GPR39: variants seen among roughly 807,000 people sequenced by gnomAD.
GPR39 encodes the protein G protein-coupled receptor 39, also known as zinc sensing receptor.
GPR39 carries 23 observed loss-of-function variants against 18.4 expected under a neutral mutation model. The ratio of observed to expected loss-of-function variants is 1.25; its 90% CI spans 0.90 to 1.77. GPR39 has a LOEUF of 1.77. GPR39 is among the 40% of genes most tolerant of loss of function. The pLI is 0.00. For synonymous variants in GPR39, 280 were observed against 257.9 expected, an observed-to-expected ratio of 1.09 and a Z score of -0.82; for missense variants, 647 against 602.4, an observed-to-expected ratio of 1.07 and a Z score of -0.78.
Position 132,524,803 on chromosome 2 carries a change from C to T in GPR39, c.856+106905C>T, listed in dbSNP as rs189335261. Among the ~76,000 whole-genome samples, 5 of 152,282 alleles carry T rather than the reference C, an allele frequency of 3.3e-5. No homozygotes were observed. In the East Asian group the frequency reaches 9.6e-4, roughly 29 times the overall value. On this transcript the variant is annotated intron_variant, in intron 1 of 1. Transcript: ENST00000329321. ...AGAGAATAGTATTATTACATGTACTCAGAAGTCACACTATCACATGTTACT... is the reference window on the plus strand; with the variant it reads ...AGAGAATAGTATTATTACATGTACTTAGAAGTCACACTATCACATGTTACT...
intron 1 of GPR39, among the ~76,000 whole-genome samples, chr2:132,597,097 G>T (rs1680962122): frequency 1.3e-5 from 2 of 152,212 alleles, no homozygotes; most frequent in South Asian, 2.1e-4. Flanking sequence ...GACAGGAGTA[G>T]CATGGGGAAC....
intron 1 of GPR39, chr2:132,644,765 ATGGATAACATGAACTGCTTTC>A: frequency 3.9e-6 from 1 of 256,506 alleles, no homozygotes; most frequent in South Asian, 8.4e-5. Flanking sequence ...AACCAGATTT[ATGGATAACATGAACTGCTTTC>A]TGGATACGCA....
chr2:132,468,306 A>G (rs1475828151), intron 1 of GPR39, among the ~76,000 whole-genome samples: 4 of 152,240 alleles, frequency 2.6e-5, no homozygotes, highest in Non-Finnish European at 1.5e-5. Context: ...TACTGCAGAT[A>G]GAATGTGAGA....
chr2:132,475,407 G>A (rs1681106794), intron 1 of GPR39, among the ~76,000 whole-genome samples: 1 of 151,738 alleles, frequency 6.6e-6, no homozygotes, highest in Non-Finnish European at 1.5e-5. Context: ...GGCAGATCTT[G>A]GGAAGAATAA....
intron 1 of GPR39, among the ~76,000 whole-genome samples, chr2:132,572,977 A>G (rs1203624350): frequency 6.6e-6 from 1 of 152,106 alleles, no homozygotes; most frequent in African/African-American, 2.4e-5. Context: ...GGGTTTTATT[A>G]CCAGAAGAAA....
At chr2:132,479,245 C>T (rs1186298328) in intron 1 of GPR39, among the ~76,000 whole-genome samples, 2 of 151,992 alleles carry the variant, frequency 1.3e-5, no homozygotes, top group Non-Finnish European at 2.9e-5. Flanking sequence ...CTTTTTGTTC[C>T]GTAGTGAGAT....
chr2:132,609,529 T>A (rs1344798315), intron 1 of GPR39, among the ~76,000 whole-genome samples: 2 of 152,186 alleles, frequency 1.3e-5, no homozygotes, highest in African/African-American at 4.8e-5. Context: ...TCTTAATTAC[T>A]ATTCTAGATG....
chr2:132,521,499 C>G (rs1453005951), intron 1 of GPR39, among the ~76,000 whole-genome samples: 1 of 152,182 alleles, frequency 6.6e-6, no homozygotes, highest in African/African-American at 2.4e-5. Flanking sequence ...CTGCCTGTTT[C>G]ACCTCTGACT....
chr2:132,417,689 G>T lies in GPR39; in HGVS notation c.647G>T (p.Arg216Leu), dbSNP rs1256175639. ...NMSICTNLSS[R>L]WTVFQSSIFG... ...TCCATCTGTACCAACCTCTCCAGCC[G>T]CTGGACCGTGTTCCAGTCCAGCATC... The change falls in exon 1 of 2, where the codon CGC (arginine) becomes CTC (leucine). Residue 216 changes from arginine (R) to leucine (L), a missense_variant. Coordinates refer to ENST00000329321, the MANE Select transcript of GPR39 (RefSeq NM_001508.3). The T allele has an allele frequency of 1.9e-6, 3 of 1,614,134 alleles. No individual in the cohort carries two copies. In the South Asian group the frequency reaches 3.3e-5, roughly 18 times the overall value.
intron 1 of GPR39, among the ~76,000 whole-genome samples, chr2:132,627,762 G>A (rs1015901568): frequency 3.9e-5 from 6 of 152,128 alleles, no homozygotes; most frequent in Non-Finnish European, 8.8e-5. Flanking sequence ...CCTCGGCCGT[G>A]GGGGAGGAGA....
rs556984553 is a variant in GPR39, at chr2:132,544,436, G to GTGGT, written c.857-100664_857-100661dup. Among the ~76,000 whole-genome samples, 527 of 152,328 alleles carry GTGGT rather than the reference G, an allele frequency of 3.5e-3. 2 individuals are homozygous for GTGGT. Among genetic ancestry groups the GTGGT allele is most frequent in the South Asian group, 5.2e-3 (25 of 4,824 alleles). ...GCCCAGGCCAGCTGGATTGGGGGATGTGGTGGTCATCTCAGCTCTCCACAT... is the reference window on the plus strand; with the variant it reads ...GCCCAGGCCAGCTGGATTGGGGGATGTGGTTGGTGGTCATCTCAGCTCTCCACAT... On this transcript the variant is annotated intron_variant, in intron 1 of 1. Coordinates refer to ENST00000329321, the MANE Select transcript of GPR39 (RefSeq NM_001508.3).
At chr2:132,470,414 G>A (rs1681008015) in intron 1 of GPR39, among the ~76,000 whole-genome samples, 1 of 152,112 alleles carries the variant, frequency 6.6e-6, no homozygotes, top group Admixed American at 6.5e-5. Context: ...ACTGTTCCAG[G>A]CTGAGGGACC....
intron 1 of GPR39, among the ~76,000 whole-genome samples, chr2:132,479,214 T>G (rs1271291803): frequency 2.0e-5 from 3 of 152,216 alleles, no homozygotes; most frequent in Non-Finnish European, 4.4e-5. Context: ...TGAACAGGAC[T>G]TAGTCTATGG....
At chr2:132,525,369 C>T (rs146961030) in intron 1 of GPR39, among the ~76,000 whole-genome samples, 76 of 152,192 alleles carry the variant, frequency 5.0e-4, no homozygotes, top group African/African-American at 1.7e-3. Context: ...AAATGTGTGA[C>T]GGCTGTAAGG....
chr2:132,589,865 G>A (rs978837963), intron 1 of GPR39, among the ~76,000 whole-genome samples: 2 of 152,166 alleles, frequency 1.3e-5, no homozygotes, highest in African/African-American at 2.4e-5. Context: ...ATGAGTTTGA[G>A]CATTTGTTTT....
chr2:132,566,814 C>A (rs1458247115), intron 1 of GPR39, among the ~76,000 whole-genome samples: 2 of 152,156 alleles, frequency 1.3e-5, no homozygotes, highest in African/African-American at 4.8e-5. Context: ...TGGCCATTCT[C>A]CCTCAGCTTT....
intron 1 of GPR39, among the ~76,000 whole-genome samples, chr2:132,568,151 A>C (rs1680383607): frequency 6.6e-6 from 1 of 151,950 alleles, no homozygotes; most frequent in Non-Finnish European, 1.5e-5. Flanking sequence ...TGGCATTTCA[A>C]CTCCCCTTGC....
chr2:132,477,572 AAG>A (rs112729091), intron 1 of GPR39, among the ~76,000 whole-genome samples: 2,986 of 152,278 alleles, frequency 0.02, 119 homozygotes, highest in African/African-American at 0.067. Flanking sequence ...TCTAAAAAAA[AAG>A]AGCCAAGGCT....
chr2:132,636,733 G>C (rs368884031), intron 1 of GPR39, among the ~76,000 whole-genome samples: 5 of 152,226 alleles, frequency 3.3e-5, no homozygotes, highest in East Asian at 3.9e-4. Flanking sequence ...TATTTATAGG[G>C]AGCTGAATTG....
Sources: gnomAD v4.1 joint callset for allele counts (sites outside exome capture counted in the v4.1 genomes callset) on GRCh38, gnomAD v4.1.1 for gene constraint, MANE v1.5 for transcripts, NCBI Gene and HGNC (gene_info 2026-07-23, HGNC 2026-07-21) for gene names.